Variants in CSMD1 observed in about 807,000 individuals in gnomAD.
CSMD1 encodes CUB and Sushi multiple domains 1.
Under a neutral mutation model 417.5 loss-of-function variants are expected in CSMD1, and 213 were observed. That is an observed-to-expected ratio of 0.51 (90% confidence interval 0.46 to 0.57). The LOEUF (loss-of-function observed/expected upper bound fraction) is 0.57, where lower values mean the gene tolerates loss of function less well. Among genes scored for constraint, CSMD1 ranks in the 20% least tolerant of loss-of-function variants. The pLI, the probability that CSMD1 is intolerant of heterozygous loss-of-function variation, is 0.00. For synonymous variants in CSMD1, 2,862 were observed against 1,736.8 expected, an observed-to-expected ratio of 1.65 and a Z score of -16.11; for missense variants, 6,923 against 4,529.7, an observed-to-expected ratio of 1.53 and a Z score of -15.17.
chr8:3,183,795 C>A (rs143479803), intron 36 of CSMD1, among the ~76,000 whole-genome samples: 5 of 152,332 alleles, frequency 3.3e-5, no homozygotes, highest in African/African-American at 9.6e-5. Context: ...AGTCATCACG[C>A]CTTAACTGGC....
chr8:4,792,400 T>C (rs1164839185), intron 1 of CSMD1, among the ~76,000 whole-genome samples: 1 of 152,224 alleles, frequency 6.6e-6, no homozygotes, highest in South Asian at 2.1e-4. Flanking sequence ...TTTCGTCTTT[T>C]CATCTCTACT....
intron 2 of CSMD1, among the ~76,000 whole-genome samples, chr8:4,619,103 G>T (rs986023501): frequency 7.2e-5 from 11 of 152,002 alleles, no homozygotes; most frequent in African/African-American, 2.4e-4. Flanking sequence ...TAAATATCCT[G>T]GTTGAATTTC....
intron 2 of CSMD1, among the ~76,000 whole-genome samples, chr8:4,506,924 T>C (rs1346952123): frequency 6.6e-6 from 1 of 152,204 alleles, no homozygotes; most frequent in Non-Finnish European, 1.5e-5. Context: ...TACATTTTTC[T>C]GTCTTTAAAA....
intron 26 of CSMD1, among the ~76,000 whole-genome samples, chr8:3,281,968 C>G (rs1002779049): frequency 6.6e-6 from 1 of 152,164 alleles, no homozygotes; most frequent in African/African-American, 2.4e-5. Context: ...TTCACTCTGT[C>G]TTTCCCCTTC....
At chr8:4,864,390 A>G (rs1415182093) in intron 1 of CSMD1, among the ~76,000 whole-genome samples, 1 of 151,960 alleles carries the variant, frequency 6.6e-6, no homozygotes. Context: ...TTGTCTTTCA[A>G]TGGTTTAAAA....
At chr8:4,390,018 T>A (rs1030004472) in intron 3 of CSMD1, among the ~76,000 whole-genome samples, 6 of 152,238 alleles carry the variant, frequency 3.9e-5, no homozygotes, top group Non-Finnish European at 1.5e-5. Flanking sequence ...TATTACCAAT[T>A]TGCTTTTCAC....
intron 26 of CSMD1, among the ~76,000 whole-genome samples, chr8:3,276,351 C>T (rs1802289417): frequency 6.6e-6 from 1 of 152,136 alleles, no homozygotes; most frequent in Non-Finnish European, 1.5e-5. Flanking sequence ...CAGAAATCAC[C>T]CATCTTCTGT....
intron 1 of CSMD1, among the ~76,000 whole-genome samples, chr8:4,751,755 T>C (rs868564298): frequency 2.6e-5 from 4 of 152,178 alleles, no homozygotes; most frequent in South Asian, 4.1e-4. Context: ...GAGCTTGGTG[T>C]CTGACATTGA....
chr8:4,422,396 C>T (rs1021428176), intron 2 of CSMD1, among the ~76,000 whole-genome samples: 1 of 152,064 alleles, frequency 6.6e-6, no homozygotes, highest in African/African-American at 2.4e-5. Flanking sequence ...TGGGGCTTTA[C>T]AGAGGTAATT....
intron 5 of CSMD1, among the ~76,000 whole-genome samples, chr8:3,766,535 G>C (rs1324815140): frequency 1.3e-5 from 2 of 152,102 alleles, no homozygotes; most frequent in Non-Finnish European, 2.9e-5. Flanking sequence ...ATTTGAAACA[G>C]GGAGCAGTCG....
chr8:3,411,915 T>TATGCACGTATAC lies in CSMD1; in HGVS notation c.1562-2311_1562-2310insGTATACGTGCAT, dbSNP rs1812772797. Among the ~76,000 whole-genome samples the TATGCACGTATAC allele has an allele frequency of 1.7e-5, 2 of 114,538 alleles. 1 individual carries two copies. The highest frequency in any genetic ancestry group is 6.6e-5 in the African/African-American group (2 of 30,368). The allele number at this position is 114,538 out of a possible 152,430, so 75.1% of individuals were successfully genotyped here. A position where few individuals can be genotyped will look rare whatever the true frequency, so the allele number is the denominator to read the frequency against. ...ATATGCACGTATATATACACGTATA[T>TATGCACGTATAC]ATGCACGTATATATACACGTATATA... On this transcript the variant is annotated intron_variant, in intron 12 of 69. Transcript: ENST00000635120.
At chr8:4,712,625 G>T (rs894155852) in intron 1 of CSMD1, among the ~76,000 whole-genome samples, 3 of 152,178 alleles carry the variant, frequency 2.0e-5, no homozygotes, top group African/African-American at 2.4e-5. Flanking sequence ...GTTTATTTTT[G>T]ATGAGATTTG....
chr8:4,478,845 C>T (rs531785229), intron 2 of CSMD1, among the ~76,000 whole-genome samples: 1 of 152,134 alleles, frequency 6.6e-6, no homozygotes, highest in Non-Finnish European at 1.5e-5. Context: ...CTTTGACATC[C>T]ATACTTAGAT....
At chr8:3,780,666 T>C (rs932043206) in intron 5 of CSMD1, among the ~76,000 whole-genome samples, 7 of 152,224 alleles carry the variant, frequency 4.6e-5, no homozygotes, top group Non-Finnish European at 1.0e-4. Flanking sequence ...CCCTCACCTG[T>C]GCAAACCGCT....
chr8:3,801,323 A>G lies in CSMD1; in HGVS notation c.819-47281T>C, dbSNP rs138401379. On this transcript the variant is annotated intron_variant, in intron 5 of 69. Transcript: ENST00000635120. ...AAGATTTAAATAGACATTTCTCCAA[A>G]GAAGACATACAAATGGCCAATAAGC... Among the ~76,000 whole-genome samples the G allele has an allele frequency of 1.7e-4, 26 of 152,328 alleles. 1 individual carries two copies. The highest frequency in any genetic ancestry group is 5.3e-4 in the African/African-American group (22 of 41,580).
intron 4 of CSMD1, among the ~76,000 whole-genome samples, chr8:4,009,459 T>A (rs1287889652): frequency 6.6e-6 from 1 of 152,230 alleles, no homozygotes; most frequent in African/African-American, 2.4e-5. Flanking sequence ...TTAAATAAGC[T>A]ATGATACATT....
At chr8:4,962,585 G>C (rs998034832) in intron 1 of CSMD1, among the ~76,000 whole-genome samples, 10 of 152,264 alleles carry the variant, frequency 6.6e-5, no homozygotes, top group African/African-American at 2.2e-4. Flanking sequence ...GGCATAATCA[G>C]ATGGGTATTT....
chr8:3,588,234 G>C (rs530993317), intron 8 of CSMD1, among the ~76,000 whole-genome samples: 45 of 152,062 alleles, frequency 3.0e-4, no homozygotes, highest in African/African-American at 1.0e-3. Context: ...AAGTACCAAA[G>C]CGGCAGAAGT....
chr8:4,845,837 G>T (rs1304791750), intron 1 of CSMD1, among the ~76,000 whole-genome samples: 1 of 152,156 alleles, frequency 6.6e-6, no homozygotes, highest in Non-Finnish European at 1.5e-5. Flanking sequence ...ATTTACATAC[G>T]ATTTGTAGCT....
Sources: gnomAD v4.1 joint callset for allele counts (sites outside exome capture counted in the v4.1 genomes callset) on GRCh38, gnomAD v4.1.1 for gene constraint, MANE v1.5 for transcripts, NCBI Gene and HGNC (gene_info 2026-07-23, HGNC 2026-07-21) for gene names.